Variants in MEIKIN observed in about 807,000 individuals in gnomAD.
The protein encoded by MEIKIN is meiosis-specific kinetochore protein.
chr5:131,871,241 C>G (rs1271606738), intron 9 of MEIKIN, among the ~76,000 whole-genome samples: 2 of 152,240 alleles, frequency 1.3e-5, no homozygotes, highest in African/African-American at 4.8e-5. Flanking sequence ...AGGGAATTCC[C>G]TTTCCTAGTC....
chr5:131,832,057 T>C (rs965501277), intron 11 of MEIKIN, among the ~76,000 whole-genome samples: 14 of 152,006 alleles, frequency 9.2e-5, no homozygotes, highest in Non-Finnish European at 1.5e-5. Flanking sequence ...AATCATGCCT[T>C]CCCAACAGTC....
At chr5:131,864,821 A>AT (rs976219112) in intron 9 of MEIKIN, among the ~76,000 whole-genome samples, 3 of 151,976 alleles carry the variant, frequency 2.0e-5, no homozygotes, top group African/African-American at 7.2e-5. Flanking sequence ...AAACCCTTTC[A>AT]TTTTCTCTTT....
chr5:131,841,048 A>G (rs937626926), intron 11 of MEIKIN, among the ~76,000 whole-genome samples: 1 of 151,886 alleles, frequency 6.6e-6, no homozygotes, highest in African/African-American at 2.4e-5. Flanking sequence ...ATGGCCTTGA[A>G]GGTTTGATTG....
intron 10 of MEIKIN, among the ~76,000 whole-genome samples, chr5:131,852,189 C>T (rs188349600): frequency 3.7e-4 from 57 of 152,214 alleles, no homozygotes; most frequent in East Asian, 3.1e-3. Context: ...GGGAGGGACC[C>T]GGTGTGAGGT....
chr5:131,841,735 A>C, intron 11 of MEIKIN, among the ~76,000 whole-genome samples: 1 of 152,210 alleles, frequency 6.6e-6, no homozygotes. Context: ...GTATATCATT[A>C]CATTTATTTG....
rs150670362 is a variant in MEIKIN, at chr5:131,932,404, G to T, written c.478+1109C>A. Among the ~76,000 whole-genome samples the T allele has an allele frequency of 4.7e-3, 718 of 152,308 alleles. 8 individuals carry two copies. The highest frequency in any genetic ancestry group is 0.016 in the African/African-American group (682 of 41,562). On this transcript the variant is annotated intron_variant, in intron 5 of 12. Coordinates refer to ENST00000442687, the MANE Select transcript of MEIKIN (RefSeq NM_001303622.2). ...CTGAAGTGAGCTGGTTGCCTAGACT[G>T]CTCCACTCTGTAACTCTCATTCTGG...
chr5:131,894,295 A>T (rs1366217260), intron 8 of MEIKIN, among the ~76,000 whole-genome samples: 1 of 152,202 alleles, frequency 6.6e-6, no homozygotes, highest in Non-Finnish European at 1.5e-5. Context: ...TGTTTTGGTT[A>T]CTGTAGCCTT....
chr5:131,923,033 A>G (rs113541475), intron 5 of MEIKIN, among the ~76,000 whole-genome samples: 4,465 of 152,262 alleles, frequency 0.029, 89 homozygotes, highest in Non-Finnish European at 0.046. Flanking sequence ...CTGGGATTAC[A>G]GGCATCCACC....
chr5:131,888,472 ATTTT>A (rs1019110051), intron 8 of MEIKIN, among the ~76,000 whole-genome samples: 5 of 152,092 alleles, frequency 3.3e-5, no homozygotes, highest in Non-Finnish European at 7.3e-5. Flanking sequence ...GATGATGAGC[ATTTT>A]TTCATGTGTC....
chr5:131,906,653 G>A (rs1751247841), intron 8 of MEIKIN, among the ~76,000 whole-genome samples: 1 of 152,062 alleles, frequency 6.6e-6, no homozygotes, highest in African/African-American at 2.4e-5. Context: ...AAAAAAATGT[G>A]GTACATATAC....
intron 6 of MEIKIN, among the ~76,000 whole-genome samples, chr5:131,920,402 C>T (rs537762094): frequency 2.6e-5 from 4 of 152,262 alleles, no homozygotes; most frequent in Admixed American, 2.0e-4. Context: ...TCAGCTGGCT[C>T]CTCTGATGGC....
chr5:131,885,283 G>A (rs1314607880), intron 8 of MEIKIN, among the ~76,000 whole-genome samples: 8 of 150,804 alleles, frequency 5.3e-5, no homozygotes. Flanking sequence ...ATTGGGAATT[G>A]GAGGCCACAG....
chr5:131,847,620 A>G (rs1750041927), intron 11 of MEIKIN, among the ~76,000 whole-genome samples: 1 of 152,100 alleles, frequency 6.6e-6, no homozygotes. Context: ...CTCTCTCAAT[A>G]ATTGATAGAA....
intron 10 of MEIKIN, 51 bp from the exon 11 acceptor site, chr5:131,851,434 A>G (rs1750113669): frequency 2.5e-6 from 1 of 396,018 alleles, no homozygotes. Context: ...TGCAAAAGCA[A>G]TGATTTTTAA....
chr5:131,940,531 T>C (rs1013383326), intron 4 of MEIKIN, among the ~76,000 whole-genome samples: 5 of 152,246 alleles, frequency 3.3e-5, no homozygotes, highest in Non-Finnish European at 7.3e-5. Flanking sequence ...TTTGTTTCAT[T>C]TGTTGCCTCT....
intron 9 of MEIKIN, among the ~76,000 whole-genome samples, chr5:131,874,323 G>A (rs6869274): frequency 0.1 from 15,232 of 152,094 alleles, 1,748 homozygotes; most frequent in African/African-American, 0.29. Flanking sequence ...TATCACCACC[G>A]ATCCCACAGA....
chr5:131,907,727 C>G (rs1376936904), intron 8 of MEIKIN, among the ~76,000 whole-genome samples: 12 of 151,616 alleles, frequency 7.9e-5, no homozygotes. Context: ...CAAAAATTAG[C>G]CGGGCGTGGT....
chr5:131,815,440 C>T (rs1251721007), intron 12 of MEIKIN, among the ~76,000 whole-genome samples: 1 of 152,212 alleles, frequency 6.6e-6, no homozygotes, highest in Non-Finnish European at 1.5e-5. Flanking sequence ...ATTATTAACC[C>T]TGGTGACCCA....
At chr5:131,835,249 TATATG>T (rs148591053) in intron 11 of MEIKIN, among the ~76,000 whole-genome samples, 3,866 of 151,404 alleles carry the variant, frequency 0.026, 181 homozygotes, top group African/African-American at 0.088. Context: ...TATGTGTATA[TATATG>T]ATATATGATA....
Sources: gnomAD v4.1 joint callset for allele counts (sites outside exome capture counted in the v4.1 genomes callset) on GRCh38, gnomAD v4.1.1 for gene constraint, MANE v1.5 for transcripts, NCBI Gene and HGNC (gene_info 2026-07-23, HGNC 2026-07-21) for gene names.